ISM1: variants seen among roughly 807,000 people sequenced by gnomAD.
ISM1 encodes isthmin-1.
ISM1 carries 25 observed loss-of-function variants against 46.3 expected under a neutral mutation model. The ratio of observed to expected loss-of-function variants is 0.54; its 90% CI spans 0.39 to 0.75. The LOEUF is 0.75. Among genes scored for constraint, ISM1 ranks in the 30% least tolerant of loss-of-function variants. The pLI is 0.00. For synonymous variants in ISM1, 255 were observed against 256.7 expected, an observed-to-expected ratio of 0.99 and a Z score of 0.06; for missense variants, 536 against 625.4, an observed-to-expected ratio of 0.86 and a Z score of 1.52.
the ISM1 span, among the ~76,000 whole-genome samples, chr20:13,322,458 A>G: frequency 6.6e-6 from 1 of 152,214 alleles, no homozygotes; most frequent in Non-Finnish European, 1.5e-5. Flanking sequence ...GCAGCTGACC[A>G]TATTGCAAAC....
At chr20:13,290,429 C>G (rs1052484065) in intron 4 of ISM1, among the ~76,000 whole-genome samples, 2 of 152,206 alleles carry the variant, frequency 1.3e-5, no homozygotes, top group African/African-American at 4.8e-5. Flanking sequence ...GCGGGCAGAT[C>G]ACAAGGTCAG....
the ISM1 span, among the ~76,000 whole-genome samples, chr20:13,313,146 CT>C: frequency 1.3e-5 from 2 of 152,222 alleles, no homozygotes; most frequent in Non-Finnish European, 2.9e-5. Context: ...CAGATCCCTT[CT>C]ACAGCCTCCC....
At chr20:13,291,169 C>T (rs1163245586) in intron 4 of ISM1, among the ~76,000 whole-genome samples, 2 of 152,224 alleles carry the variant, frequency 1.3e-5, no homozygotes, top group African/African-American at 4.8e-5. Flanking sequence ...TTTTCTGTCA[C>T]CGCGGAGAGC....
the ISM1 span, among the ~76,000 whole-genome samples, chr20:13,319,501 A>G: frequency 3.9e-5 from 6 of 152,224 alleles, no homozygotes; most frequent in African/African-American, 1.4e-4. Flanking sequence ...GGAGAGTGAG[A>G]GAAGGGAGCT....
In ISM1 at chr20:13,221,867, G is replaced by A. The variant is rs898467129; in HGVS notation, c.91G>A (p.Asp31Asn). 13 of 1,418,614 alleles carry A rather than the reference G, an allele frequency of 9.2e-6. 1 individual carries two copies. In the African/African-American group the frequency reaches 1.6e-4, roughly 18 times the overall value. 87.9% of individuals were successfully genotyped at this position (1,418,614 alleles called of 1,614,324 possible). A position where few individuals can be genotyped will look rare whatever the true frequency, so the allele number is the denominator to read the frequency against. The change falls in exon 1 of 6, where the codon GAC becomes AAC. Residue 31 changes from aspartate (D) to asparagine (N), a missense_variant. Physicochemically the swap from Asp to Asn is conservative, Grantham distance 23. This residue lies in a region of ISM1 where 367 missense variants were observed against 376.1 expected (regional missense o/e 0.98). Transcript: ENST00000262487. ...CGTGCTGCGCGGCTCGGGAGCCGCC[G>A]ACGGGCCCGACGCGGCCGCGGGCAA... ...ITVLRGSGAA[D>N]GPDAAAGNAS... is the part of the protein sequence containing the mutation.
chr20:13,234,144 G>A (rs78658311), intron 1 of ISM1, among the ~76,000 whole-genome samples: 5,248 of 152,138 alleles, frequency 0.034, 248 homozygotes, highest in African/African-American at 0.11. Context: ...GGAGTCCCCA[G>A]TGTCTGATTA....
chr20:13,266,439 A>T (rs925553464), intron 1 of ISM1, among the ~76,000 whole-genome samples: 1 of 152,238 alleles, frequency 6.6e-6, no homozygotes, highest in Middle Eastern at 3.4e-3. Flanking sequence ...TAATAGCTGC[A>T]TTTCTTCTGT....
At chr20:13,229,373 C>T (rs540029007) in intron 1 of ISM1, among the ~76,000 whole-genome samples, 5 of 152,106 alleles carry the variant, frequency 3.3e-5, no homozygotes, top group African/African-American at 1.2e-4. Flanking sequence ...CTTCCATTAC[C>T]GTAGATTAGT....
chr20:13,323,473 C>T, the ISM1 span, among the ~76,000 whole-genome samples: 1 of 152,140 alleles, frequency 6.6e-6, no homozygotes, highest in Non-Finnish European at 1.5e-5. Context: ...ATTCCTTTCC[C>T]AATGTAACTT....
Position 13,288,687 on chromosome 20 carries a change from C to T in ISM1, c.787+4C>T, listed in dbSNP as rs368714674. On this transcript the variant is annotated splice_donor_region_variant and intron_variant, in intron 4 of 5. Coordinates refer to ENST00000262487, the MANE Select transcript of ISM1 (RefSeq NM_080826.2). ...TGTGACCGTCCAAACTGCCCAGGTG[C>T]GTTTACCTGAGTGTGTAGCTCCAAG... is the stretch of plus-strand genomic sequence containing the variant. 1.4e-5 allele frequency: 23 copies of T among 1,611,342 alleles called. No individual in the cohort carries two copies. The highest frequency in any genetic ancestry group is 4.5e-5 in the East Asian group (2 of 44,834).
chr20:13,313,630 T>A, the ISM1 span, among the ~76,000 whole-genome samples: 75 of 152,226 alleles, frequency 4.9e-4, no homozygotes, highest in Non-Finnish European at 9.1e-4. Context: ...CTAAATTTAA[T>A]TTGTCTACAT....
intron 2 of ISM1, among the ~76,000 whole-genome samples, chr20:13,272,542 A>T (rs1318317376): frequency 6.6e-6 from 1 of 152,224 alleles, no homozygotes; most frequent in Non-Finnish European, 1.5e-5. Context: ...ATAGGTGGAA[A>T]GAAGTCGGAC....
Position 13,221,665 on chromosome 20 carries a change from C to G in ISM1, c.-112C>G. The stretch of plus-strand genomic sequence containing the variant: ...CGGGAAGCGGAGCCCTGGCGGGAGC[C>G]GAGGCGGGAGCCGCGCTGCCGGGCT... On this transcript the variant is annotated 5_prime_UTR_variant, in exon 1 of 6. Transcript: ENST00000262487. 3.2e-6 allele frequency: 3 copies of G among 951,972 alleles called. No individual in the cohort carries two copies. The highest frequency in any genetic ancestry group is 7.8e-5 in the East Asian group (2 of 25,746). The allele number at this position is 951,972 out of a possible 1,614,324, so 59.0% of individuals were successfully genotyped here.
Position 13,279,864 on chromosome 20 carries a change from C to G in ISM1, c.609C>G (p.His203Gln). ...PRGWDHTAPG[H>Q]RTFETKDQPE... The stretch of plus-strand genomic sequence containing the variant: ...GGTGGGACCATACAGCCCCAGGCCA[C>G]CGGACTTTTGAAACCAAAGATCAGC... The change falls in exon 3 of 6, where the codon CAC (histidine) becomes CAG (glutamine). Residue 203 changes from histidine (H) to glutamine (Q), a missense_variant. By Grantham distance (24) the His-to-Gln change is conservative (BLOSUM62 0). Around this residue, in one of 2 missense-constraint regions of ISM1, gnomAD observed 367 missense variants for 376.1 expected, o/e 0.98. Transcript: ENST00000262487. 6.2e-7 allele frequency: 1 copy of G among 1,613,956 alleles called. No individual in the cohort carries two copies. The highest frequency in any genetic ancestry group is 1.1e-5 in the South Asian group (1 of 91,080).
intron 1 of ISM1, among the ~76,000 whole-genome samples, chr20:13,256,734 C>G (rs2039933791): frequency 6.6e-6 from 1 of 152,180 alleles, no homozygotes; most frequent in Non-Finnish European, 1.5e-5. Flanking sequence ...TGTTTACACC[C>G]CTAGTAAGTA....
In ISM1 at chr20:13,270,564, G is replaced by C. The variant is rs2040100923; in HGVS notation, c.199G>C (p.Ala67Pro). Residue 67 changes from alanine to proline, a missense_variant, in exon 2 of 6, where the codon GCA becomes CCA. Around this residue, in one of 2 missense-constraint regions of ISM1, gnomAD observed 367 missense variants for 376.1 expected, o/e 0.98. Coordinates refer to ENST00000262487, the MANE Select transcript of ISM1 (RefSeq NM_080826.2). ...AACCAGCTTTTCTCTCTCCAAAGAA[G>C]CACCAAGGGAGCATCTGGACCACCA... ...SETSFSLSKE[A>P]PREHLDHQAA... 1.2e-6 allele frequency: 2 copies of C among 1,613,914 alleles called. No homozygotes were observed. The highest frequency in any genetic ancestry group is 1.3e-5 in the African/African-American group (1 of 75,032).
At chr20:13,322,334 A>C in the ISM1 span, among the ~76,000 whole-genome samples, 1 of 152,176 alleles carries the variant, frequency 6.6e-6, no homozygotes, top group South Asian at 2.1e-4. Flanking sequence ...TTGTTCTAAG[A>C]GAAAAGACAC....
At chr20:13,278,932 C>A (rs541283536) in intron 2 of ISM1, among the ~76,000 whole-genome samples, 65 of 152,318 alleles carry the variant, frequency 4.3e-4, no homozygotes, top group Non-Finnish European at 7.9e-4. Flanking sequence ...AGCTTCCTTA[C>A]ATAGCGGTTA....
the ISM1 span, among the ~76,000 whole-genome samples, chr20:13,310,797 A>G: frequency 0.93 from 142,317 of 152,320 alleles, 66,568 homozygotes; most frequent in East Asian, 0.99. Context: ...ACAGAAGGCC[A>G]ATGGATATAT....
Sources: allele counts gnomAD v4.1 joint callset (sites outside exome capture counted in the v4.1 genomes callset), GRCh38; gene constraint gnomAD v4.1.1; regional missense constraint gnomAD v4.1.1; transcripts MANE v1.5; gene names NCBI Gene and HGNC (gene_info 2026-07-23, HGNC 2026-07-21).